The following MTMR3 variants were observed in gnomAD, a reference collection of about 807,000 sequenced individuals.
The protein encoded by MTMR3 is myotubularin related protein 3.
Under a neutral mutation model 132.4 loss-of-function variants are expected in MTMR3, and 32 were observed. The observed-to-expected ratio is 0.24, with a 90% CI of 0.18 to 0.32. The LOEUF (loss-of-function observed/expected upper bound fraction) is 0.32. MTMR3 is among the 10% of genes least tolerant of loss of function. The probability of loss-of-function intolerance (pLI) is 1.00; values close to 1 mark genes in which losing one functional copy is unlikely to be tolerated. For synonymous variants in MTMR3, 556 were observed against 550.3 expected, an observed-to-expected ratio of 1.01 and a Z score of -0.14; for missense variants, 1,216 against 1,489.6, an observed-to-expected ratio of 0.82 and a Z score of 3.02.
At chr22:30,001,235 C>G (rs958310576) in intron 8 of MTMR3, 1 of 152,102 alleles carries the variant, frequency 6.6e-6, no homozygotes, top group African/African-American at 2.4e-5. Flanking sequence ...ACTAAAAATA[C>G]AAAAAAATTA....
chr22:29,933,950 C>T (rs5763613), intron 1 of MTMR3, among the ~76,000 whole-genome samples: 9 of 152,176 alleles, frequency 5.9e-5, no homozygotes, highest in Admixed American at 2.0e-4. Context: ...CATACATATT[C>T]GTCTACTTAT....
At chr22:29,921,487 A>C (rs1010618038) in intron 1 of MTMR3, among the ~76,000 whole-genome samples, 2 of 152,122 alleles carry the variant, frequency 1.3e-5, no homozygotes, top group African/African-American at 4.8e-5. Context: ...GGGAGAGCTT[A>C]GGATCTTATT....
At chr22:29,921,874 A>G (rs2065422224) in intron 1 of MTMR3, among the ~76,000 whole-genome samples, 1 of 145,270 alleles carries the variant, frequency 6.9e-6, no homozygotes, top group Non-Finnish European at 1.5e-5. Context: ...TTTGAGACAG[A>G]GTGTCACTCT....
intron 19 of MTMR3, chr22:30,023,258 G>C: frequency 3.3e-6 from 2 of 615,214 alleles, no homozygotes; most frequent in Non-Finnish European, 5.9e-6. Flanking sequence ...TGACTGTCTG[G>C]TGGATGTTCA....
At chr22:30,015,926 C>A (rs1250861522) in intron 14 of MTMR3, 1 of 152,598 alleles carries the variant, frequency 6.6e-6, no homozygotes, top group Admixed American at 6.5e-5. Flanking sequence ...GGAGTGCTTC[C>A]CCTCAGATAC....
At chr22:29,991,431 AAAT>A in intron 6 of MTMR3, 70 bp from the exon 7 acceptor site, 2 of 1,469,142 alleles carry the variant, frequency 1.4e-6, no homozygotes, top group African/African-American at 1.4e-5. Flanking sequence ...GGCATTCTTG[AAAT>A]AATGGCTTTT....
chr22:29,954,057 G>GTTTTT (rs753326368), intron 1 of MTMR3, among the ~76,000 whole-genome samples: 2 of 49,084 alleles, frequency 4.1e-5, no homozygotes, highest in African/African-American at 8.9e-5. Flanking sequence ...TTTCAAATGA[G>GTTTTT]TCTTTTTTTT....
intron 1 of MTMR3, among the ~76,000 whole-genome samples, chr22:29,938,730 T>C (rs1284715859): frequency 6.6e-6 from 1 of 152,238 alleles, no homozygotes; most frequent in Non-Finnish European, 1.5e-5. Flanking sequence ...CTTTTCTTCT[T>C]TTCCATAGAA....
At chr22:29,991,344 A>G (rs1878621391) in intron 6 of MTMR3, 160 bp from the exon 7 acceptor site, 1 of 578,328 alleles carries the variant, frequency 1.7e-6, no homozygotes, top group African/African-American at 1.9e-5. Flanking sequence ...TGTTTTTCTT[A>G]TAAGTGATAA....
rs1012870068 is a variant in MTMR3, at chr22:30,019,505, A to C, written c.1846A>C (p.Asn616His). 5.6e-6 allele frequency: 9 copies of C among 1,608,094 alleles called. No homozygotes were observed. Among genetic ancestry groups the C allele is most frequent in the Non-Finnish European group, 7.6e-6 (9 of 1,179,708 alleles). ...GCTACCAAAGACTAGATCATACGACAATCTGACCACAGCCTGTGACAACAC... is the reference window on the plus strand; with the variant it reads ...GCTACCAAAGACTAGATCATACGACCATCTGACCACAGCCTGTGACAACAC... ...SRLPKTRSYD[N>H]LTTACDNTVP... Residue 616 changes from asparagine (N) to histidine (H), a missense_variant, in exon 17 of 20, where the codon AAT becomes CAT. Transcript: ENST00000401950.
intron 15 of MTMR3, chr22:30,017,186 T>C (rs2067615192): frequency 6.4e-6 from 1 of 155,612 alleles, no homozygotes; most frequent in Non-Finnish European, 1.4e-5. Context: ...CATGAAGAGC[T>C]GGCAGGCCCT....
In MTMR3 at chr22:30,027,578, C is replaced by T. The variant is rs1601451651; in HGVS notation, c.*1777C>T. On this transcript the variant is annotated 3_prime_UTR_variant, in exon 20 of 20. Transcript: ENST00000401950. The stretch of plus-strand genomic sequence containing the variant: ...ATTGTGCATTTCCTAGTGACAGGTG[C>T]CAAGAGGTTATGATACGGGTTTCTT... The T allele has an allele frequency of 1.3e-5, 2 of 152,700 alleles. No homozygotes were observed. Among genetic ancestry groups the T allele is most frequent in the East Asian group, 3.7e-4 (2 of 5,338 alleles). The allele number at this position is 152,700 out of a possible 1,614,324, so 9.5% of individuals were successfully genotyped here.
intron 1 of MTMR3, among the ~76,000 whole-genome samples, chr22:29,915,181 T>G (rs1247729214): frequency 6.6e-6 from 1 of 152,222 alleles, no homozygotes; most frequent in East Asian, 1.9e-4. Context: ...AGGATTGTTA[T>G]GTCTTCTCAG....
intron 1 of MTMR3, among the ~76,000 whole-genome samples, chr22:29,936,137 C>T (rs1555900368): frequency 1.3e-5 from 2 of 152,118 alleles, no homozygotes; most frequent in Non-Finnish European, 2.9e-5. Context: ...TCATCTCTTT[C>T]TATTCTGTAG....
Position 29,978,054 on chromosome 22 carries a change from C to T in MTMR3, c.4-388C>T, listed in dbSNP as rs919450257. On this transcript the variant is annotated intron_variant, in intron 3 of 19. Coordinates refer to ENST00000401950, the MANE Select transcript of MTMR3 (RefSeq NM_021090.4). ...ACTCAGGAGGCTGAGGCAGGAGAAT[C>T]GCCTGAACCCAGGAGGCAGAGGTTG... The T allele has an allele frequency of 3.7e-5, 6 of 160,542 alleles. No individual in the cohort carries two copies. The East Asian group carries it at 8.6e-4, about 23-fold the overall frequency. The allele number at this position is 160,542 out of a possible 1,614,324, so 9.9% of individuals were successfully genotyped here.
chr22:29,967,237 G>GCGCA (rs1555908345), intron 2 of MTMR3, among the ~76,000 whole-genome samples: 2 of 34,486 alleles, frequency 5.8e-5, no homozygotes, highest in African/African-American at 3.7e-4. Context: ...GTGTGTGCAT[G>GCGCA]CGCGCGCGCG....
intron 10 of MTMR3, 56 bp downstream of exon 10, chr22:30,007,375 C>T: frequency 1.3e-6 from 2 of 1,514,090 alleles, no homozygotes; most frequent in Non-Finnish European, 1.8e-6. Flanking sequence ...AGAACCTTTT[C>T]TTGAAATGGC....
chr22:29,910,899 G>A (rs2065198917), intron 1 of MTMR3, among the ~76,000 whole-genome samples: 2 of 152,044 alleles, frequency 1.3e-5, no homozygotes, highest in African/African-American at 2.4e-5. Context: ...TCAGTGCCAG[G>A]GGTTAGATTT....
rs2067695145 is a variant in MTMR3, at chr22:30,019,611, G to C, written c.1952G>C (p.Ser651Thr). 2 of 1,614,024 alleles carry C rather than the reference G, an allele frequency of 1.2e-6. No individual in the cohort carries two copies. Among genetic ancestry groups the C allele is most frequent in the Non-Finnish European group, 1.7e-6 (2 of 1,180,056 alleles). ...WQEHRRSLELSSLAGPGEDPL... is the reference protein window; with the variant it reads ...WQEHRRSLELTSLAGPGEDPL... ...GAGCACCGGCGCTCACTAGAGCTGA[G>C]CAGCCTGGCTGGCCCTGGAGAGGAT... is the stretch of plus-strand genomic sequence containing the variant. Residue 651 changes from serine (S) to threonine (T), a missense_variant, in exon 17 of 20, where the codon AGC (serine) becomes ACC (threonine). By Grantham distance (58) the Ser-to-Thr change is moderately conservative. Around this residue, in one of 7 missense-constraint regions of MTMR3, gnomAD observed 852 missense variants for 852.0 expected, o/e 1.00. Transcript: ENST00000401950.
Sources: gnomAD v4.1 joint callset for allele counts (sites outside exome capture counted in the v4.1 genomes callset) on GRCh38, gnomAD v4.1.1 for gene constraint, gnomAD v4.1.1 regional missense constraint, MANE v1.5 for transcripts, NCBI Gene and HGNC (gene_info 2026-07-23, HGNC 2026-07-21) for gene names.